The following LINGO1 variants were observed in gnomAD, a reference collection of about 807,000 sequenced individuals.
The protein encoded by LINGO1 is leucine rich repeat and Ig domain containing 1, also known as leucine-rich repeat and immunoglobulin-like domain-containing nogo receptor-interacting protein 1.
In LINGO1, 11 loss-of-function variants were observed where a neutral mutation model predicts 37.3. That is an observed-to-expected ratio of 0.29 (90% CI 0.19 to 0.49). The LOEUF (loss-of-function observed/expected upper bound fraction) is 0.49. Ranked by LOEUF, LINGO1 falls within the 20% of genes least tolerant of loss-of-function variation. The pLI, the probability that LINGO1 is intolerant of heterozygous loss-of-function variation, is 0.99. For missense variants in LINGO1, 585 were observed against 878.2 expected (o/e 0.67, Z 4.22); for synonymous variants, 387 against 403.0 (o/e 0.96, Z 0.48).
intron 1 of LINGO1, among the ~76,000 whole-genome samples, chr15:77,775,673 C>T (rs1159410893): frequency 1.3e-5 from 2 of 152,186 alleles, no homozygotes; most frequent in East Asian, 1.9e-4. Flanking sequence ...CATACAGCCT[C>T]CCATGCCTGA....
intron 1 of LINGO1, among the ~76,000 whole-genome samples, chr15:77,762,932 C>T (rs1434151074): frequency 6.6e-6 from 1 of 152,216 alleles, no homozygotes; most frequent in Non-Finnish European, 1.5e-5. Context: ...TCTGTCACCC[C>T]AGCACCAGCT....
chr15:77,648,377 G>A lies in LINGO1; in HGVS notation c.-13+28712C>T, dbSNP rs74025344. Reference sequence around the variant, plus strand: ...TGTCACACAGCCAGGCCAGCAGAGCGGCAATGTCCACTCACACAACCATGC... The same window carrying A: ...TGTCACACAGCCAGGCCAGCAGAGCAGCAATGTCCACTCACACAACCATGC... On this transcript the variant is annotated intron_variant, in intron 3 of 3. Coordinates refer to the LINGO1 transcript ENST00000559893. 3.7e-3 allele frequency: 597 copies of A among 159,588 alleles called. 3 individuals carry two copies. The highest frequency in any genetic ancestry group is 0.014 in the African/African-American group (569 of 41,616). 9.9% of individuals were successfully genotyped at this position (159,588 alleles called of 1,614,324 possible).
chr15:77,641,348 G>A (rs572304146), intron 3 of LINGO1, among the ~76,000 whole-genome samples: 2 of 152,324 alleles, frequency 1.3e-5, no homozygotes, highest in Non-Finnish European at 2.9e-5. Context: ...AACCATAACG[G>A]TGCATGTAAT....
At chr15:77,653,582 CTG>C (rs1280687254) in intron 3 of LINGO1, among the ~76,000 whole-genome samples, 1 of 152,206 alleles carries the variant, frequency 6.6e-6, no homozygotes, top group Non-Finnish European at 1.5e-5. Context: ...GCTTTTTCAT[CTG>C]TTAAACGAGG....
intron 1 of LINGO1, among the ~76,000 whole-genome samples, chr15:77,623,550 A>AC (rs1450450512): frequency 6.6e-6 from 1 of 152,178 alleles, no homozygotes; most frequent in African/African-American, 2.4e-5. Context: ...TGGTGAGGCA[A>AC]CCCTGAGAGT....
At chr15:77,735,681 T>C (rs1443875805) in intron 1 of LINGO1, among the ~76,000 whole-genome samples, 1 of 151,964 alleles carries the variant, frequency 6.6e-6, no homozygotes, top group Non-Finnish European at 1.5e-5. Flanking sequence ...GACCAGTAGG[T>C]CCTGGGGGTG....
chr15:77,793,036 G>C (rs1006851072), intron 2 of LINGO1, among the ~76,000 whole-genome samples: 16 of 152,142 alleles, frequency 1.1e-4, no homozygotes, highest in African/African-American at 3.9e-4. Flanking sequence ...ACCACCTCCA[G>C]CCTCCTCCCT....
chr15:77,772,318 A>C (rs2141405081), intron 1 of LINGO1, among the ~76,000 whole-genome samples: 1 of 152,166 alleles, frequency 6.6e-6, no homozygotes, highest in African/African-American at 2.4e-5. Flanking sequence ...TCACCCACCA[A>C]CCCTTAAAAT....
chr15:77,670,070 G>A (rs1033881088), intron 3 of LINGO1, among the ~76,000 whole-genome samples: 2 of 152,172 alleles, frequency 1.3e-5, no homozygotes, highest in Non-Finnish European at 2.9e-5. Flanking sequence ...CTTAAAAACT[G>A]TGTGCTGAGC....
intron 1 of LINGO1, among the ~76,000 whole-genome samples, chr15:77,617,860 G>T (rs907396): frequency 0.64 from 96,867 of 152,080 alleles, 30,969 homozygotes; most frequent in East Asian, 0.79. Flanking sequence ...GGATTCAGGG[G>T]GGCACTGACA....
At chr15:77,769,725 C>T (rs1451456837) in intron 1 of LINGO1, among the ~76,000 whole-genome samples, 1 of 152,174 alleles carries the variant, frequency 6.6e-6, no homozygotes, top group African/African-American at 2.4e-5. Context: ...ATCTACTCAC[C>T]TCATGCCCCA....
At chr15:77,664,170 T>TGTGCGCGCGTGCGC in intron 3 of LINGO1, among the ~76,000 whole-genome samples, 3 of 130,946 alleles carry the variant, frequency 2.3e-5, no homozygotes, top group Non-Finnish European at 4.6e-5. Flanking sequence ...TGTGTGTGTG[T>TGTGCGCGCGTGCGC]GCGCGCGCGC....
At chr15:77,802,676 G>A (rs1385706135) in intron 1 of LINGO1, among the ~76,000 whole-genome samples, 1 of 152,090 alleles carries the variant, frequency 6.6e-6, no homozygotes, top group Non-Finnish European at 1.5e-5. Flanking sequence ...GGGACTGCGG[G>A]AACCAGCAAA....
chr15:77,660,261 G>A (rs975236582), intron 3 of LINGO1: 2 of 152,340 alleles, frequency 1.3e-5, no homozygotes, highest in African/African-American at 4.8e-5. Flanking sequence ...GCCAGGCGGA[G>A]GTTCAGCCAT....
At chr15:77,678,240 G>C (rs1485616759) in intron 2 of LINGO1, among the ~76,000 whole-genome samples, 1 of 152,202 alleles carries the variant, frequency 6.6e-6, no homozygotes, top group Non-Finnish European at 1.5e-5. Flanking sequence ...TATGAGTTTT[G>C]ACAACTGCGT....
chr15:77,652,531 T>TGTGTGTGTGTGTGTGTG (rs55988808), intron 3 of LINGO1, among the ~76,000 whole-genome samples: 16 of 141,530 alleles, frequency 1.1e-4, no homozygotes, highest in East Asian at 3.9e-4. Context: ...TGTGTGTGTG[T>TGTGTGTGTGTGTGTGTG]TGCCAGAATA....
intron 1 of LINGO1, among the ~76,000 whole-genome samples, chr15:77,776,557 G>GCAGGAAAGCAGGAAGGCAGGAAA (rs1567577951): frequency 6.7e-6 from 1 of 149,972 alleles, no homozygotes; most frequent in Non-Finnish European, 1.5e-5. Flanking sequence ...AGGGAGGGAG[G>GCAGGAAAGCAGGAAGGCAGGAAA]GAGCTGACTC....
intron 2 of LINGO1, among the ~76,000 whole-genome samples, chr15:77,722,660 C>T: frequency 6.6e-6 from 1 of 152,198 alleles, no homozygotes; most frequent in Non-Finnish European, 1.5e-5. Flanking sequence ...ACGGTTCTGT[C>T]TTTTAAAGGG....
intron 1 of LINGO1, chr15:77,696,206 G>A (rs1388824629): frequency 1.3e-5 from 2 of 152,222 alleles, no homozygotes; most frequent in African/African-American, 4.8e-5. Flanking sequence ...CGCATCGTGA[G>A]GGCTCTCCCA....
Sources: gnomAD v4.1 joint callset for allele counts (sites outside exome capture counted in the v4.1 genomes callset) on GRCh38, gnomAD v4.1.1 for gene constraint, MANE v1.5 for transcripts, NCBI Gene and HGNC (gene_info 2026-07-23, HGNC 2026-07-21) for gene names.